TRIM62: variants seen among roughly 807,000 people sequenced by gnomAD.
The protein encoded by TRIM62 is tripartite motif containing 62, also known as E3 ubiquitin-protein ligase TRIM62.
TRIM62 carries 39 observed loss-of-function variants against 44.2 expected under a neutral mutation model. The observed-to-expected ratio is 0.88, with a 90% CI of 0.68 to 1.15. TRIM62 has a LOEUF of 1.15. Among genes scored for constraint, TRIM62 ranks in the 50% most tolerant of loss-of-function variants. The pLI, the probability that TRIM62 is intolerant of heterozygous loss-of-function variation, is 0.00. For synonymous variants in TRIM62, 278 were observed against 292.3 expected, an observed-to-expected ratio of 0.95 and a Z score of 0.50; for missense variants, 544 against 665.5, an observed-to-expected ratio of 0.82 and a Z score of 2.01.
At chr1:33,164,651 C>T (rs112083521) in intron 2 of TRIM62, 3,402 of 152,424 alleles carry the variant, frequency 0.022, 48 homozygotes, top group Non-Finnish European at 0.035. Flanking sequence ...TTTGGCCCTA[C>T]CTTTCAGAGT....
In TRIM62 at chr1:33,147,497, C is replaced by T. The variant is rs375201916; in HGVS notation, c.1108G>A (p.Glu370Lys). Residue 370 changes from glutamate to lysine, a missense_variant, in exon 5 of 5, where the codon GAA becomes AAA. Physicochemically the swap from Glu to Lys is moderately conservative, Grantham distance 56 (BLOSUM62 1). Transcript: ENST00000291416. The surrounding 1 kb of genome is among the most constrained non-coding windows in gnomAD (Gnocchi z 8.1). ...ATGCTGCCCTTGCGGCTTGCGGCTTCGTGTGCCAGCCCGATCACCCACTGG... is the reference window on the plus strand; with the variant it reads ...ATGCTGCCCTTGCGGCTTGCGGCTTTGTGTGCCAGCCCGATCACCCACTGG... ...KTQWVIGLAH[E>K]AASRKGSIQI... The T allele has an allele frequency of 2.3e-4, 364 of 1,613,186 alleles. No individual in the cohort carries two copies. The African/African-American group carries it at 3.6e-3, about 16-fold the overall frequency.
chr1:33,165,259 G>A lies in TRIM62; in HGVS notation c.504+212C>T, dbSNP rs1033514930. On this transcript the variant is annotated intron_variant, in intron 2 of 4. Coordinates refer to ENST00000291416, the MANE Select transcript of TRIM62 (RefSeq NM_018207.3). This position sits in a 1 kb window ranked among gnomAD's most constrained non-coding sequence, Gnocchi z 4.0. The stretch of plus-strand genomic sequence containing the variant: ...CGAGGGACCAGCCCACATCCTTGCC[G>A]CCAGTCATGATGGGGTGGGTGCCGC... The A allele has an allele frequency of 1.7e-5, 8 of 480,298 alleles. No individual in the cohort carries two copies. Among genetic ancestry groups the A allele is most frequent in the African/African-American group, 8.0e-5 (4 of 49,748 alleles). 29.8% of individuals were successfully genotyped at this position (480,298 alleles called of 1,614,324 possible).
rs889190589 is a variant in TRIM62 at position 33,165,288 on chromosome 1, A to G, written c.504+183T>C. The G allele has an allele frequency of 1.3e-5, 7 of 540,528 alleles. No homozygotes were observed. Among genetic ancestry groups the G allele is most frequent in the South Asian group, 9.3e-5 (4 of 43,038 alleles). 33.5% of individuals were successfully genotyped at this position (540,528 alleles called of 1,614,324 possible). On this transcript the variant is annotated intron_variant, in intron 2 of 4. Coordinates refer to ENST00000291416, the MANE Select transcript of TRIM62 (RefSeq NM_018207.3). The surrounding 1 kb of genome is among the most constrained non-coding windows in gnomAD (Gnocchi z 4.0). Reference sequence around the variant, plus strand: ...GTCATGATGGGGTGGGTGCCGCCCCATTGAACTTCACGGATGCCCTACCCT... The same window carrying G: ...GTCATGATGGGGTGGGTGCCGCCCCGTTGAACTTCACGGATGCCCTACCCT...
chr1:33,174,064 AT>A (rs1253728835), intron 1 of TRIM62, among the ~76,000 whole-genome samples: 1 of 152,162 alleles, frequency 6.6e-6, no homozygotes, highest in Non-Finnish European at 1.5e-5. Context: ...CATCTTTACC[AT>A]TTTTAGGTGT....
intron 1 of TRIM62, 66 bp downstream of exon 1, chr1:33,180,955 ACCCC>A: frequency 1.8e-5 from 7 of 386,036 alleles, no homozygotes; most frequent in South Asian, 5.4e-5. Flanking sequence ...TCCAGCCCTG[ACCCC>A]ACCCCCCGCC....
rs1645026425 is a variant in TRIM62, at chr1:33,146,804, C to T, written c.*373G>A. The T allele has an allele frequency of 3.5e-6, 1 of 287,046 alleles. No homozygotes were observed. Among genetic ancestry groups the T allele is most frequent in the South Asian group, 4.5e-5 (1 of 22,442 alleles). The allele number at this position is 287,046 out of a possible 1,614,324, so 17.8% of individuals were successfully genotyped here. A position where few individuals can be genotyped will look rare whatever the true frequency, so the allele number is the denominator to read the frequency against. On this transcript the variant is annotated 3_prime_UTR_variant, in exon 5 of 5. Transcript: ENST00000291416. ...GGGTGCTGTGTGTCTTTCGGGCTGC[C>T]AACTACTGGCCATGCTCTGACACTT...
In TRIM62 at chr1:33,177,919, C is replaced by G. The variant is rs887089187; in HGVS notation, c.408+3106G>C. 6.6e-6 allele frequency among the ~76,000 whole-genome samples: 1 copy of G among 152,072 alleles called. No individual in the cohort carries two copies. Among genetic ancestry groups the G allele is most frequent in the Non-Finnish European group, 1.5e-5 (1 of 68,016 alleles). ...TACTTCCATGCTGTCCATGAAGGAC[C>G]CAAGGCTCAGAGATGGTAAATAATC... On this transcript the variant is annotated intron_variant, in intron 1 of 4. Coordinates refer to ENST00000291416, the MANE Select transcript of TRIM62 (RefSeq NM_018207.3). This position sits in a 1 kb window ranked among gnomAD's most constrained non-coding sequence, Gnocchi z 4.1.
chr1:33,153,500 T>G (rs1645132028), intron 4 of TRIM62, among the ~76,000 whole-genome samples: 2 of 152,170 alleles, frequency 1.3e-5, no homozygotes, highest in South Asian at 4.1e-4. Context: ...TGGCATCTAA[T>G]GGATAGAGGC....
In TRIM62 at chr1:33,175,001, G is replaced by GTATATGTATATGTA. The variant is rs56292337; in HGVS notation, c.408+6023_408+6024insTACATATACATATA. On this transcript the variant is annotated intron_variant, in intron 1 of 4. Coordinates refer to ENST00000291416, the MANE Select transcript of TRIM62 (RefSeq NM_018207.3). ...TATACATATATATGCACACACACATGTATGTATATGTATATGTATATGTAT... is the reference window on the plus strand; with the variant it reads ...TATACATATATATGCACACACACATGTATATGTATATGTATATGTATATGTATATGTATATGTAT... 3.0e-4 allele frequency among the ~76,000 whole-genome samples: 41 copies of GTATATGTATATGTA among 135,666 alleles called. 1 individual carries two copies. Among genetic ancestry groups the GTATATGTATATGTA allele is most frequent in the African/African-American group, 1.1e-3 (38 of 34,322 alleles). The allele number at this position is 135,666 out of a possible 152,430, so 89.0% of individuals were successfully genotyped here.
Position 33,179,572 on chromosome 1 carries a change from G to A in TRIM62, c.408+1453C>T, listed in dbSNP as rs75579294. Among the ~76,000 whole-genome samples the A allele has an allele frequency of 9.0e-3, 1,376 of 152,112 alleles. 22 individuals are homozygous for A. Among genetic ancestry groups the A allele is most frequent in the African/African-American group, 0.031 (1,290 of 41,504 alleles). On this transcript the variant is annotated intron_variant, in intron 1 of 4. Transcript: ENST00000291416. ...AGCCAAAAACCTTCTGCTTCCAAAC[G>A]CTCCACAGTGTGGTCCAGCTTAGGC...
intron 1 of TRIM62, among the ~76,000 whole-genome samples, chr1:33,179,295 T>C (rs1426515022): frequency 6.6e-6 from 1 of 152,142 alleles, no homozygotes; most frequent in Non-Finnish European, 1.5e-5. Flanking sequence ...CTCAGACAGC[T>C]AGACTGGAAG....
intron 1 of TRIM62, among the ~76,000 whole-genome samples, 187 bp downstream of exon 1, chr1:33,180,838 C>A (rs1248926496): frequency 2.0e-5 from 3 of 151,278 alleles, no homozygotes; most frequent in Admixed American, 2.0e-4. Flanking sequence ...CCCACGGCCC[C>A]GCCATGCGGC....
chr1:33,168,719 G>C (rs770043681), intron 1 of TRIM62, among the ~76,000 whole-genome samples: 3 of 152,242 alleles, frequency 2.0e-5, no homozygotes, highest in Non-Finnish European at 2.9e-5. Context: ...GTTTGCCTAA[G>C]AGAGTAGAAA....
chr1:33,180,837 C>A (rs1212437728), intron 1 of TRIM62, among the ~76,000 whole-genome samples, 188 bp downstream of exon 1: 1 of 151,470 alleles, frequency 6.6e-6, no homozygotes, highest in Non-Finnish European at 1.5e-5. Context: ...CCCCACGGCC[C>A]CGCCATGCGG....
rs1418482756 is a variant in TRIM62 at position 33,167,411 on chromosome 1, G to A, written c.409-1845C>T. ...CAAGTGATAAATGGGTTGTGGAGGT[G>A]AGTGCTCCCTAGCACAGGGTCCAGC... On this transcript the variant is annotated intron_variant, in intron 1 of 4. Coordinates refer to ENST00000291416, the MANE Select transcript of TRIM62 (RefSeq NM_018207.3). The surrounding 1 kb of genome is among the most constrained non-coding windows in gnomAD (Gnocchi z 4.2). Among the ~76,000 whole-genome samples, 2 of 152,228 alleles carry A rather than the reference G, an allele frequency of 1.3e-5. No homozygotes were observed. The highest frequency in any genetic ancestry group is 2.9e-5 in the Non-Finnish European group (2 of 68,042).
Position 33,147,075 on chromosome 1 carries a change from T to C in TRIM62, c.*102A>G. ...GAGGGTAAACAACTGGCCTGAGGTC[T>C]CCAGTGGCCACGGTGGGCTGGAGTC... is the stretch of plus-strand genomic sequence containing the variant. On this transcript the variant is annotated 3_prime_UTR_variant, in exon 5 of 5. Coordinates refer to ENST00000291416, the MANE Select transcript of TRIM62 (RefSeq NM_018207.3). The surrounding 1 kb of genome is among the most constrained non-coding windows in gnomAD (Gnocchi z 8.1). 2 of 1,352,474 alleles carry C rather than the reference T, an allele frequency of 1.5e-6. No homozygotes were observed. The highest frequency in any genetic ancestry group is 4.6e-5 in the East Asian group (2 of 43,054). 83.8% of individuals were successfully genotyped at this position (1,352,474 alleles called of 1,614,324 possible).
chr1:33,159,754 A>C lies in TRIM62; in HGVS notation c.695T>G (p.Leu232Arg), dbSNP rs776258696. The change falls in exon 3 of 5, where the codon CTG (leucine) becomes CGG (arginine). Residue 232 changes from leucine (L) to arginine (R), a missense_variant. Transcript: ENST00000291416. The surrounding 1 kb of genome is among the most constrained non-coding windows in gnomAD (Gnocchi z 4.2). ...LRKVQEGAQILQERLAETDRH... is the reference protein window; with the variant it reads ...LRKVQEGAQIRQERLAETDRH... ...GTCGGTTTCAGCCAGCCGCTCCTGC[A>C]GGATCTGGGCTCCCTCCTGGACCTT... 1.2e-6 allele frequency: 2 copies of C among 1,613,426 alleles called. No individual in the cohort carries two copies. The highest frequency in any genetic ancestry group is 1.7e-6 in the Non-Finnish European group (2 of 1,179,924).
Position 33,181,336 on chromosome 1 carries a change from G to A in TRIM62, c.97C>T (p.Arg33Cys), listed in dbSNP as rs915620682. 5 of 1,580,918 alleles carry A rather than the reference G, an allele frequency of 3.2e-6. No individual in the cohort carries two copies. Among genetic ancestry groups the A allele is most frequent in the Non-Finnish European group, 4.3e-6 (5 of 1,167,566 alleles). ...CGCACCCAGTGCTCCGTGATGCAGC[G>A]GCGGCAGAAGTAATGCTCGCAGCCC... ...SLGCEHYFCRRCITEHWVRQE... is the reference protein window; with the variant it reads ...SLGCEHYFCRCCITEHWVRQE... The change falls in exon 1 of 5, where the codon CGC (arginine) becomes TGC (cysteine). Residue 33 changes from arginine (R) to cysteine (C), a missense_variant. Coordinates refer to ENST00000291416, the MANE Select transcript of TRIM62 (RefSeq NM_018207.3). The surrounding 1 kb of genome is among the most constrained non-coding windows in gnomAD (Gnocchi z 6.5).
chr1:33,168,308 C>T (rs538733384), intron 1 of TRIM62, among the ~76,000 whole-genome samples: 13 of 152,256 alleles, frequency 8.5e-5, no homozygotes, highest in African/African-American at 3.1e-4. Context: ...AGAAGGAGCC[C>T]GAGTCCCTGA....
Sources: gnomAD v4.1 joint callset for allele counts (sites outside exome capture counted in the v4.1 genomes callset) on GRCh38, gnomAD v4.1.1 for gene constraint, Gnocchi (gnomAD v3.1) non-coding constraint, MANE v1.5 for transcripts, NCBI Gene and HGNC (gene_info 2026-07-23, HGNC 2026-07-21) for gene names.